The following TEAD1 variants were observed in gnomAD, a reference collection of about 807,000 sequenced individuals.
TEAD1 encodes transcriptional enhancer factor TEF-1.
In TEAD1, 9 loss-of-function variants were observed where a neutral mutation model predicts 54.9. The observed-to-expected ratio is 0.16, with a 90% confidence interval of 0.10 to 0.29. The LOEUF is 0.29. Among genes scored for constraint, TEAD1 ranks in the 10% least tolerant of loss-of-function variants. The pLI is 1.00. For missense variants in TEAD1, 387 were observed against 535.9 expected (o/e 0.72, Z 2.74); for synonymous variants, 200 against 187.8 (o/e 1.07, Z -0.53).
intron 3 of TEAD1, among the ~76,000 whole-genome samples, chr11:12,850,541 C>G (rs1010668596): frequency 3.3e-5 from 5 of 152,222 alleles, no homozygotes; most frequent in African/African-American, 1.2e-4. Flanking sequence ...ACTGTTATTT[C>G]CATTTTACAG....
intron 9 of TEAD1, among the ~76,000 whole-genome samples, chr11:12,893,863 A>G (rs1948251660): frequency 6.6e-6 from 1 of 151,936 alleles, no homozygotes; most frequent in Non-Finnish European, 1.5e-5. Flanking sequence ...TGAGGAGAGA[A>G]CCCACTTCAG....
intron 2 of TEAD1, among the ~76,000 whole-genome samples, chr11:12,744,952 C>T (rs1944717242): frequency 6.6e-6 from 1 of 152,084 alleles, no homozygotes. Flanking sequence ...TATTAATGTC[C>T]CTCCCTGAGC....
chr11:12,785,448 T>G (rs7952015), intron 3 of TEAD1, among the ~76,000 whole-genome samples: 146,032 of 152,252 alleles, frequency 0.96, 70,346 homozygotes, highest in East Asian at 1. Flanking sequence ...CTGGTGCCTA[T>G]AATGACCATA....
At chr11:12,710,937 C>T (rs541548141) in intron 2 of TEAD1, among the ~76,000 whole-genome samples, 2 of 152,228 alleles carry the variant, frequency 1.3e-5, no homozygotes, top group Admixed American at 1.3e-4. Flanking sequence ...GAGGGCCCAG[C>T]TGGTACAAAG....
intron 3 of TEAD1, among the ~76,000 whole-genome samples, chr11:12,853,806 C>G (rs748254426): frequency 9.2e-5 from 14 of 152,102 alleles, no homozygotes; most frequent in East Asian, 3.9e-4. Context: ...TATCAGCTGC[C>G]GTTGACTGAT....
chr11:12,714,225 G>A (rs967903706), intron 2 of TEAD1, among the ~76,000 whole-genome samples: 1 of 152,128 alleles, frequency 6.6e-6, no homozygotes, highest in African/African-American at 2.4e-5. Context: ...CTTTGGCTAA[G>A]GGGCAGAAGC....
chr11:12,757,576 T>A (rs879458729), intron 2 of TEAD1, among the ~76,000 whole-genome samples: 1 of 152,198 alleles, frequency 6.6e-6, no homozygotes, highest in Non-Finnish European at 1.5e-5. Context: ...GTGCCTGGCT[T>A]ACAGTCTGTC....
chr11:12,724,225 G>A (rs1299569826), intron 2 of TEAD1, among the ~76,000 whole-genome samples: 8 of 152,292 alleles, frequency 5.3e-5, no homozygotes, highest in Middle Eastern at 6.8e-3. Flanking sequence ...TATTGAGCTC[G>A]TGGGCTCTCC....
intron 2 of TEAD1, among the ~76,000 whole-genome samples, chr11:12,676,439 T>A (rs984984084): frequency 4.6e-5 from 7 of 152,242 alleles, no homozygotes; most frequent in African/African-American, 1.7e-4. Context: ...GGGGCTTCTC[T>A]GAGGCACAGA....
chr11:12,877,659 CA>C (rs112123980), intron 5 of TEAD1, among the ~76,000 whole-genome samples: 11,711 of 141,314 alleles, frequency 0.083, 1,417 homozygotes, highest in African/African-American at 0.27. Context: ...AACTCCATCT[CA>C]AAAAAAAAAA....
intron 2 of TEAD1, among the ~76,000 whole-genome samples, chr11:12,691,546 T>G (rs887670013): frequency 2.6e-5 from 4 of 152,226 alleles, no homozygotes; most frequent in African/African-American, 9.6e-5. Context: ...TGCTCATGCC[T>G]GGCCTCTTTG....
intron 3 of TEAD1, among the ~76,000 whole-genome samples, chr11:12,825,087 A>G (rs1321489270): frequency 1.3e-5 from 2 of 152,220 alleles, no homozygotes; most frequent in Non-Finnish European, 2.9e-5. Context: ...ATAAGAAAAT[A>G]TTTAGCCAGT....
chr11:12,935,982 TAAGAG>T (rs1949092784), intron 12 of TEAD1, among the ~76,000 whole-genome samples: 1 of 152,112 alleles, frequency 6.6e-6, no homozygotes, highest in East Asian at 1.9e-4. Flanking sequence ...TTGGATACCT[TAAGAG>T]CAAGGGAAAC....
chr11:12,711,821 G>A (rs192035502), intron 2 of TEAD1, among the ~76,000 whole-genome samples: 1 of 152,234 alleles, frequency 6.6e-6, no homozygotes, highest in Non-Finnish European at 1.5e-5. Context: ...TGAAGCAAGT[G>A]TGGGGTCCCT....
intron 9 of TEAD1, among the ~76,000 whole-genome samples, chr11:12,888,473 C>T (rs1375982343): frequency 1.3e-5 from 2 of 152,166 alleles, no homozygotes; most frequent in African/African-American, 2.4e-5. Context: ...CACGCCACTG[C>T]ACTCCAGCCT....
chr11:12,726,159 G>A (rs1944306699), intron 2 of TEAD1, among the ~76,000 whole-genome samples: 1 of 152,204 alleles, frequency 6.6e-6, no homozygotes. Flanking sequence ...AGTGAAGTCA[G>A]GGTAGCTTGA....
At chr11:12,761,528 A>G (rs1229344157) in intron 2 of TEAD1, among the ~76,000 whole-genome samples, 2 of 152,222 alleles carry the variant, frequency 1.3e-5, no homozygotes, top group South Asian at 2.1e-4. Flanking sequence ...CACCAGTTGC[A>G]CAAAAGACAG....
In TEAD1 at chr11:12,807,091, T is replaced by C. The variant is rs145228069; in HGVS notation, c.202+42657T>C. Among the ~76,000 whole-genome samples the C allele has an allele frequency of 2.9e-4, 44 of 152,306 alleles. No homozygotes were observed. The East Asian group carries it at 7.5e-3, about 26-fold the overall frequency. On this transcript the variant is annotated intron_variant, in intron 3 of 12. Transcript: ENST00000527636. ...CAGAGCATCACAGCACAGACAAATATCTTACACCAGTTTTCACAATAAAAT... is the reference window on the plus strand; with the variant it reads ...CAGAGCATCACAGCACAGACAAATACCTTACACCAGTTTTCACAATAAAAT...
At chr11:12,910,179 A>G (rs1948593015) in intron 10 of TEAD1, among the ~76,000 whole-genome samples, 1 of 152,242 alleles carries the variant, frequency 6.6e-6, no homozygotes, top group Non-Finnish European at 1.5e-5. Context: ...TGATTCAGTC[A>G]TGCATCCCGA....
Sources: gnomAD v4.1 joint callset for allele counts (sites outside exome capture counted in the v4.1 genomes callset) on GRCh38, gnomAD v4.1.1 for gene constraint, MANE v1.5 for transcripts, NCBI Gene and HGNC (gene_info 2026-07-23, HGNC 2026-07-21) for gene names.